Variants in CNTN5 observed in about 807,000 individuals in gnomAD.
CNTN5 encodes contactin-5.
A neutral mutation model predicts 129.1 loss-of-function variants in CNTN5; 77 were observed. The observed-to-expected ratio is 0.60, with a 90% CI of 0.50 to 0.72. CNTN5 has a LOEUF of 0.72. Among genes scored for constraint, CNTN5 ranks in the 30% least tolerant of loss-of-function variants. The probability of loss-of-function intolerance (pLI) is 0.00; values close to 1 mark genes in which losing one functional copy is unlikely to be tolerated. For synonymous variants in CNTN5, 509 were observed against 465.6 expected (o/e 1.09, Z -1.20); for missense variants, 1,478 against 1,328.8 (o/e 1.11, Z -1.75).
chr11:99,414,947 A>T (rs961274096), intron 2 of CNTN5, among the ~76,000 whole-genome samples: 2 of 152,208 alleles, frequency 1.3e-5, no homozygotes, highest in Non-Finnish European at 2.9e-5. Flanking sequence ...GCTTCCTGTT[A>T]TAAATATCTG....
chr11:99,208,622 T>C (rs1173814619), intron 1 of CNTN5, among the ~76,000 whole-genome samples: 3 of 152,102 alleles, frequency 2.0e-5, no homozygotes, highest in Admixed American at 2.0e-4. Flanking sequence ...TTATCTTTAT[T>C]TTAGGAAGAG....
At chr11:99,132,135 C>A (rs1028392924) in intron 1 of CNTN5, among the ~76,000 whole-genome samples, 1 of 151,880 alleles carries the variant, frequency 6.6e-6, no homozygotes, top group African/African-American at 2.4e-5. Flanking sequence ...ATAAACAGAA[C>A]TAAAGACGAA....
intron 9 of CNTN5, among the ~76,000 whole-genome samples, chr11:100,047,650 T>G (rs1457392974): frequency 6.6e-6 from 1 of 152,184 alleles, no homozygotes; most frequent in Non-Finnish European, 1.5e-5. Flanking sequence ...GATGGTTAAT[T>G]TTAGATGTCA....
At chr11:99,765,148 C>T (rs1301617495) in intron 3 of CNTN5, among the ~76,000 whole-genome samples, 1 of 151,498 alleles carries the variant, frequency 6.6e-6, no homozygotes, top group Non-Finnish European at 1.5e-5. Context: ...CTTTTTGACC[C>T]AAGAAACTGA....
intron 1 of CNTN5, among the ~76,000 whole-genome samples, chr11:99,134,166 A>C (rs1440419010): frequency 6.6e-6 from 1 of 152,070 alleles, no homozygotes; most frequent in Admixed American, 6.6e-5. Context: ...AAAACCACAC[A>C]CCTCATGTTC....
At chr11:99,128,949 TCC>T (rs1440855711) in intron 1 of CNTN5, among the ~76,000 whole-genome samples, 5 of 151,874 alleles carry the variant, frequency 3.3e-5, no homozygotes, top group African/African-American at 1.2e-4. Context: ...ACAAACCCTA[TCC>T]GAAGATTGAC....
chr11:100,323,955 G>A (rs906432494), intron 21 of CNTN5, among the ~76,000 whole-genome samples: 1 of 151,926 alleles, frequency 6.6e-6, no homozygotes, highest in Non-Finnish European at 1.5e-5. Flanking sequence ...TCATTAACTA[G>A]TTAGTAAATT....
chr11:100,248,406 C>T (rs966162282), intron 16 of CNTN5, among the ~76,000 whole-genome samples: 3 of 151,878 alleles, frequency 2.0e-5, no homozygotes, highest in South Asian at 2.1e-4. Flanking sequence ...ATTAGCTGGG[C>T]ATGGTGGCAT....
At chr11:99,295,403 T>G (rs1041547723) in intron 1 of CNTN5, among the ~76,000 whole-genome samples, 3 of 152,250 alleles carry the variant, frequency 2.0e-5, no homozygotes, top group African/African-American at 7.2e-5. Flanking sequence ...ATTTAAAGTC[T>G]GTTGTGTAAT....
intron 3 of CNTN5, among the ~76,000 whole-genome samples, chr11:99,649,185 A>G (rs1952070154): frequency 1.1e-5 from 1 of 93,422 alleles, no homozygotes; most frequent in South Asian, 4.6e-4. Context: ...GTGAATTTAA[A>G]AATAAATAAT....
intron 1 of CNTN5, among the ~76,000 whole-genome samples, chr11:99,064,291 T>A (rs7115147): frequency 6.6e-6 from 1 of 152,060 alleles, no homozygotes; most frequent in South Asian, 2.1e-4. Flanking sequence ...GTTAGCATAG[T>A]AGCTGCATGG....
At chr11:99,812,735 A>T (rs1002293703) in intron 3 of CNTN5, among the ~76,000 whole-genome samples, 1 of 152,116 alleles carries the variant, frequency 6.6e-6, no homozygotes, top group Non-Finnish European at 1.5e-5. Flanking sequence ...AATCTCACCC[A>T]AAAATTTCAT....
intron 16 of CNTN5, among the ~76,000 whole-genome samples, chr11:100,246,175 A>G (rs907021698): frequency 2.6e-5 from 4 of 152,158 alleles, no homozygotes; most frequent in African/African-American, 9.7e-5. Flanking sequence ...GTTACAGACT[A>G]GTGAGAGGCC....
At chr11:99,841,913 T>C (rs966706233) in intron 4 of CNTN5, among the ~76,000 whole-genome samples, 5 of 149,890 alleles carry the variant, frequency 3.3e-5, no homozygotes, top group Non-Finnish European at 7.4e-5. Context: ...TTTTATGGAG[T>C]TTCACTCTTG....
chr11:99,556,376 A>G (rs1232048783), intron 3 of CNTN5, 107 bp downstream of exon 3: 3 of 649,244 alleles, frequency 4.6e-6, no homozygotes, highest in African/African-American at 1.8e-5. Flanking sequence ...TTAAATTTAT[A>G]TCAGTATTTA....
intron 1 of CNTN5, among the ~76,000 whole-genome samples, chr11:99,245,119 A>AC (rs1861752114): frequency 6.6e-6 from 1 of 152,298 alleles, no homozygotes; most frequent in South Asian, 2.1e-4. Flanking sequence ...CAAACTGCAC[A>AC]CACTCTTTAT....
chr11:99,142,306 G>A (rs1859558782), intron 1 of CNTN5, among the ~76,000 whole-genome samples: 1 of 25,354 alleles, frequency 3.9e-5, no homozygotes, highest in African/African-American at 5.0e-4. Context: ...AGTTGAGCTT[G>A]TGGTGGCGAG....
chr11:99,793,121 G>T (rs1166905767), intron 3 of CNTN5, among the ~76,000 whole-genome samples: 2 of 151,234 alleles, frequency 1.3e-5, no homozygotes, highest in Non-Finnish European at 2.9e-5. Context: ...GTGCAGTGGC[G>T]CAATCTCGGC....
chr11:99,274,151 T>C (rs1313186006), intron 1 of CNTN5, among the ~76,000 whole-genome samples: 1 of 151,748 alleles, frequency 6.6e-6, no homozygotes, highest in African/African-American at 2.4e-5. Context: ...GAATGTTCCA[T>C]TTTGCAGTGC....
Sources: gnomAD v4.1 joint callset for allele counts (sites outside exome capture counted in the v4.1 genomes callset) on GRCh38, gnomAD v4.1.1 for gene constraint, MANE v1.5 for transcripts, NCBI Gene and HGNC (gene_info 2026-07-23, HGNC 2026-07-21) for gene names.